PNISR: variants seen among roughly 807,000 people sequenced by gnomAD.
PNISR encodes the protein PNN interacting serine and arginine rich protein.
A neutral mutation model predicts 93.4 loss-of-function variants in PNISR; 20 were observed. That is an observed-to-expected ratio of 0.21 (90% CI 0.15 to 0.31). The LOEUF is 0.31. PNISR is among the 10% of genes least tolerant of loss of function. The pLI is 1.00. For missense variants in PNISR, 893 were observed against 985.4 expected, an observed-to-expected ratio of 0.91 and a Z score of 1.25; for synonymous variants, 305 against 306.5, an observed-to-expected ratio of 0.99 and a Z score of 0.05.
chr6:99,408,350 T>C (rs1023407626), intron 6 of PNISR, 79 bp from the exon 7 acceptor site: 66 of 974,048 alleles, frequency 6.8e-5, no homozygotes, highest in Non-Finnish European at 9.5e-5. Context: ...TTAAAAAATA[T>C]CCCATTAAAT....
Position 99,409,185 on chromosome 6 carries a change from G to A in PNISR, c.661C>T (p.Pro221Ser). The A allele has an allele frequency of 1.2e-6, 2 of 1,613,000 alleles. No homozygotes were observed. Among genetic ancestry groups the A allele is most frequent in the Non-Finnish European group, 1.7e-6 (2 of 1,179,122 alleles). ...GTTAAATAGCTACCAATTTGTGGAG[G>A]CTCCTGCTTCACAGGAAGTGCAATA... ...SPIALPVKQE[P>S]PQIDAVKRRT... Residue 221 changes from proline (P) to serine (S), a missense_variant, in exon 6 of 12, where the codon CCT becomes TCT. By Grantham distance (74) the Pro-to-Ser change is moderately conservative. Coordinates refer to ENST00000369239, the MANE Select transcript of PNISR (RefSeq NM_032870.4).
At chr6:99,423,097 T>C (rs1453978102) in intron 1 of PNISR, among the ~76,000 whole-genome samples, 1 of 150,192 alleles carries the variant, frequency 6.7e-6, no homozygotes, top group African/African-American at 2.5e-5. Flanking sequence ...ACAGGAAATA[T>C]AAAAGATGAG....
Position 99,412,595 on chromosome 6 carries a change from C to G in PNISR, c.233G>C (p.Gly78Ala). ...STMESGPNNHGNFQGDSNFNR... is the reference protein window; with the variant it reads ...STMESGPNNHANFQGDSNFNR... ...GAAGTTTGAATCCCCTTGGAAATTC[C>G]CATGATTGTTTGGACCAGATTCCAT... Residue 78 changes from glycine to alanine, a missense_variant, in exon 4 of 12, where the codon GGG (glycine) becomes GCG (alanine). Physicochemically the swap from Gly to Ala is moderately conservative, Grantham distance 60. Coordinates refer to ENST00000369239, the MANE Select transcript of PNISR (RefSeq NM_032870.4). The G allele has an allele frequency of 1.2e-6, 2 of 1,606,472 alleles. No individual in the cohort carries two copies. The highest frequency in any genetic ancestry group is 1.7e-6 in the Non-Finnish European group (2 of 1,177,730).
intron 1 of PNISR, among the ~76,000 whole-genome samples, chr6:99,422,588 T>C (rs1778706950): frequency 6.6e-6 from 1 of 152,120 alleles, no homozygotes; most frequent in Non-Finnish European, 1.5e-5. Flanking sequence ...ATTTTAAAAG[T>C]GGAGGACAAG....
rs1235419270 is a variant in PNISR, at chr6:99,402,647, G to A, written c.1220C>T (p.Ser407Leu). 2 of 1,613,246 alleles carry A rather than the reference G, an allele frequency of 1.2e-6. No homozygotes were observed. The highest frequency in any genetic ancestry group is 1.3e-5 in the African/African-American group (1 of 74,868). The part of the protein sequence containing the change: ...EDERSDRGSE[S>L]SDTDDEELRH... Reference sequence around the variant, plus strand: ...TAATTCTTCATCATCAGTGTCAGATGACTCAGATCCTCTGTCACTCCTCTC... The same window carrying A: ...TAATTCTTCATCATCAGTGTCAGATAACTCAGATCCTCTGTCACTCCTCTC... Residue 407 changes from serine to leucine, a missense_variant, in exon 11 of 12, where the codon TCA (serine) becomes TTA (leucine). Around this residue, in one of 3 missense-constraint regions of PNISR, gnomAD observed 866 missense variants for 935.1 expected, o/e 0.93. Coordinates refer to ENST00000369239, the MANE Select transcript of PNISR (RefSeq NM_032870.4).
chr6:99,418,354 C>G (rs1778012950), intron 1 of PNISR, among the ~76,000 whole-genome samples: 1 of 151,398 alleles, frequency 6.6e-6, no homozygotes. Flanking sequence ...TCAAGCTGGT[C>G]TCGAATTTCT....
In PNISR at chr6:99,399,975, T is replaced by C. The variant is rs1191334049; in HGVS notation, c.*565A>G. 1.3e-5 allele frequency: 2 copies of C among 152,120 alleles called. No individual in the cohort carries two copies. The highest frequency in any genetic ancestry group is 2.9e-5 in the Non-Finnish European group (2 of 68,004). The allele number at this position is 152,120 out of a possible 1,614,324, so 9.4% of individuals were successfully genotyped here. ...TTAAGGTGCAAGAGTTTAACAAAAA[T>C]GAACTAAAGAGCTTTATTGACATCA... is the stretch of plus-strand genomic sequence containing the variant. On this transcript the variant is annotated 3_prime_UTR_variant, in exon 12 of 12. Transcript: ENST00000369239.
chr6:99,410,972 A>G lies in PNISR; in HGVS notation c.278-8T>C. ...GCTGATGCATTCCCCATTCTATTTA[A>G]GATTTAGGCATAAAAACATTCAACA... On this transcript the variant is annotated splice_region_variant and splice_polypyrimidine_tract_variant and intron_variant, in intron 4 of 11. Coordinates refer to ENST00000369239, the MANE Select transcript of PNISR (RefSeq NM_032870.4). 2 of 1,596,802 alleles carry G rather than the reference A, an allele frequency of 1.3e-6. No individual in the cohort carries two copies. The highest frequency in any genetic ancestry group is 2.7e-5 in the African/African-American group (2 of 74,652).
rs1158783406 is a variant in PNISR at position 99,410,831 on chromosome 6, G to A, written c.411C>T (p.Asp137=). ...NSQDSGEFAP[D]NRHIFNQNNH... is the part of the protein sequence containing the mutation. ...TGTTCTGGTTAAATATATGCCTGTT[G>A]TCAGGGGCAAATTCCCCACTGTCCT... The change falls in exon 5 of 12, where the codon GAC becomes GAT. Residue 137 remains aspartate, a synonymous_variant. Coordinates refer to ENST00000369239, the MANE Select transcript of PNISR (RefSeq NM_032870.4). 1 of 1,613,970 alleles carries A rather than the reference G, an allele frequency of 6.2e-7. No individual in the cohort carries two copies. Among genetic ancestry groups the A allele is most frequent in the African/African-American group, 1.3e-5 (1 of 74,914 alleles).
chr6:99,400,878 T>C lies in PNISR; in HGVS notation c.2080A>G (p.Lys694Glu). ...AAATCTTTTTCTTCCCTTTTTTGTT[T>C]CTCTTTTCTTTTATCCTGTTCACGT... The part of the protein sequence containing the change: ...REREQDKRKE[K>E]QKREEKDFKF... Residue 694 changes from lysine (K) to glutamate (E), a missense_variant, in exon 12 of 12, where the codon AAA becomes GAA. This residue lies in a region of PNISR where 866 missense variants were observed against 935.1 expected (regional missense o/e 0.93). Coordinates refer to ENST00000369239, the MANE Select transcript of PNISR (RefSeq NM_032870.4). The C allele has an allele frequency of 1.9e-6, 3 of 1,588,652 alleles. No homozygotes were observed. The highest frequency in any genetic ancestry group is 2.6e-6 in the Non-Finnish European group (3 of 1,162,062).
chr6:99,408,179 T>C lies in PNISR; in HGVS notation c.766A>G (p.Met256Val). 2 of 1,613,602 alleles carry C rather than the reference T, an allele frequency of 1.2e-6. No individual in the cohort carries two copies. Among genetic ancestry groups the C allele is most frequent in the Non-Finnish European group, 1.7e-6 (2 of 1,179,558 alleles). Residue 256 changes from methionine (M) to valine (V), a missense_variant, in exon 7 of 12, where the codon ATG (methionine) becomes GTG (valine). By Grantham distance (21) the Met-to-Val change is conservative. Coordinates refer to ENST00000369239, the MANE Select transcript of PNISR (RefSeq NM_032870.4). Reference sequence around the variant, plus strand: ...GACAATTGTGAACGTTGTTGTTCCATTCTTTCTTTCTCCAATTTCTTCTGC... The same window carrying C: ...GACAATTGTGAACGTTGTTGTTCCACTCTTTCTTTCTCCAATTTCTTCTGC... ...EKQKKLEKER[M>V]EQQRSQLSKK...
At chr6:99,424,464 C>T (rs1442678142) in intron 1 of PNISR, among the ~76,000 whole-genome samples, 1 of 151,834 alleles carries the variant, frequency 6.6e-6, no homozygotes, top group African/African-American at 2.4e-5. Context: ...TCTATAAGCC[C>T]TTTGCCACTT....
At position 99,399,121 on chromosome 6, in the gene PNISR, T is replaced by C. The variant is rs934579155; in HGVS notation, c.*1419A>G. On this transcript the variant is annotated 3_prime_UTR_variant, in exon 12 of 12. Transcript: ENST00000369239. Reference sequence around the variant, plus strand: ...ATCTGGCATGATTTTTAAAATGAACTATTGCTGGTAAGAAGGCATACTTTA... The same window carrying C: ...ATCTGGCATGATTTTTAAAATGAACCATTGCTGGTAAGAAGGCATACTTTA... 6.6e-6 allele frequency: 1 copy of C among 152,136 alleles called. No individual in the cohort carries two copies. The highest frequency in any genetic ancestry group is 1.5e-5 in the Non-Finnish European group (1 of 67,962). 9.4% of individuals were successfully genotyped at this position (152,136 alleles called of 1,614,324 possible). A position where few individuals can be genotyped will look rare whatever the true frequency, so the allele number is the denominator to read the frequency against.
rs144779398 is a variant in PNISR, at chr6:99,400,422, G to A, written c.*118C>T. On this transcript the variant is annotated 3_prime_UTR_variant, in exon 12 of 12. Transcript: ENST00000369239. Reference sequence around the variant, plus strand: ...TAGGATTTCTAACATTTAAGACTATGATTATTTATCAAGTACCAAACTGAG... The same window carrying A: ...TAGGATTTCTAACATTTAAGACTATAATTATTTATCAAGTACCAAACTGAG... 7.9e-5 allele frequency: 107 copies of A among 1,356,584 alleles called. 1 individual carries two copies. The African/African-American group carries it at 1.5e-3, about 18-fold the overall frequency. The allele number at this position is 1,356,584 out of a possible 1,614,324, so 84.0% of individuals were successfully genotyped here.
At chr6:99,408,412 TCTA>T in intron 6 of PNISR, 141 bp from the exon 7 acceptor site, 1 of 609,308 alleles carries the variant, frequency 1.6e-6, no homozygotes, top group Non-Finnish European at 2.9e-6. Context: ...GGACCACTGC[TCTA>T]GTGCTTACAA....
Position 99,412,610 on chromosome 6 carries a change from C to G in PNISR, c.218G>C (p.Gly73Ala). The G allele has an allele frequency of 6.2e-7, 1 of 1,611,146 alleles. No individual in the cohort carries two copies. The highest frequency in any genetic ancestry group is 1.1e-5 in the South Asian group (1 of 90,196). The change falls in exon 4 of 12, where the codon GGT becomes GCT. Residue 73 changes from glycine (G) to alanine (A), a missense_variant. Transcript: ENST00000369239. The stretch of plus-strand genomic sequence containing the variant: ...TTGGAAATTCCCATGATTGTTTGGA[C>G]CAGATTCCATTGTAGACATATCTTG... ...NGQDMSTMES[G>A]PNNHGNFQGD...
chr6:99,410,492 C>A, intron 5 of PNISR: 1 of 468,808 alleles, frequency 2.1e-6, no homozygotes, highest in Non-Finnish European at 3.8e-6. Flanking sequence ...AGCTATTGCA[C>A]TTATACATTT....
intron 1 of PNISR, among the ~76,000 whole-genome samples, chr6:99,419,787 T>C (rs752439549): frequency 2.6e-5 from 4 of 152,076 alleles, no homozygotes; most frequent in African/African-American, 7.2e-5. Context: ...CAGAAAAATA[T>C]AAAATAAAGA....
Position 99,408,211 on chromosome 6 carries a change from C to A in PNISR, c.734G>T (p.Arg245Leu). ...WIREGLEKME[R>L]EKQKKLEKER... ...TTTCTCCAATTTCTTCTGCTTTTCA[C>A]GTTCCATTTTTTCAAGACCTTCGCG... Residue 245 changes from arginine to leucine, a missense_variant, in exon 7 of 12, where the codon CGT becomes CTT. By Grantham distance (102) the Arg-to-Leu change is moderately radical. Coordinates refer to ENST00000369239, the MANE Select transcript of PNISR (RefSeq NM_032870.4). The A allele has an allele frequency of 1.2e-6, 2 of 1,613,418 alleles. No individual in the cohort carries two copies. The highest frequency in any genetic ancestry group is 1.7e-6 in the Non-Finnish European group (2 of 1,179,494).
Sources: allele counts gnomAD v4.1 joint callset (sites outside exome capture counted in the v4.1 genomes callset), GRCh38; gene constraint gnomAD v4.1.1; regional missense constraint gnomAD v4.1.1; transcripts MANE v1.5; gene names NCBI Gene and HGNC (gene_info 2026-07-23, HGNC 2026-07-21).